AP1S2: variants seen among roughly 807,000 people sequenced by gnomAD.
The protein encoded by AP1S2 is adaptor related protein complex 1 subunit sigma 2.
In AP1S2, 1 loss-of-function variant was observed where a neutral mutation model predicts 14.3. The observed-to-expected ratio is 0.07, with a 90% CI of 0.02 to 0.33. The LOEUF (loss-of-function observed/expected upper bound fraction) is 0.33. Ranked by LOEUF, AP1S2 falls within the 10% of genes least tolerant of loss-of-function variation. The pLI is 0.99. For missense variants in AP1S2, 30 were observed against 117.7 expected, an observed-to-expected ratio of 0.25 and a Z score of 3.45; for synonymous variants, 30 against 40.5, an observed-to-expected ratio of 0.74 and a Z score of 0.99.
chrX:15,852,652 T>C (rs1460933556), intron 1 of AP1S2, 128 bp from the exon 2 acceptor site: 1 of 693,673 alleles, frequency 1.4e-6, no homozygotes, highest in East Asian at 3.3e-5. Flanking sequence ...GCCATCAATA[T>C]TTCTATGCCA....
In AP1S2 at chrX:15,826,240, C is replaced by T. The variant is rs1209161271; in HGVS notation, c.*1085G>A. ...TATGTATAAGTACTTAGAAAAGTGA[C>T]GCTGAACAATTACATAGCTTTAAAA... On this transcript the variant is annotated 3_prime_UTR_variant, in exon 6 of 6. Transcript: ENST00000672987. 2.7e-5 allele frequency: 3 copies of T among 112,255 alleles called. No individual in the cohort carries two copies. Among genetic ancestry groups the T allele is most frequent in the East Asian group, 2.8e-4 (1 of 3,614 alleles). 9.3% of individuals were successfully genotyped at this position (112,255 alleles called of 1,213,427 possible).
At chrX:15,842,975 G>A (rs1388555316) in intron 4 of AP1S2, among the ~76,000 whole-genome samples, 2 of 99,229 alleles carry the variant, frequency 2.0e-5, no homozygotes, top group East Asian at 3.1e-4. Context: ...GCAGAGAGCC[G>A]AAATTGCACC....
At chrX:15,833,049 T>C in intron 4 of AP1S2, 1 of 1,086,886 alleles carries the variant, frequency 9.2e-7, no homozygotes, top group South Asian at 2.7e-5. Context: ...TCAAATAACC[T>C]TTTGCCTAAA....
At chrX:15,834,598 C>T (rs1933567296) in intron 4 of AP1S2, among the ~76,000 whole-genome samples, 1 of 96,274 alleles carries the variant, frequency 1.0e-5, no homozygotes, top group Non-Finnish European at 2.1e-5. Context: ...GCCTCAGCTT[C>T]CTGAGTAGCT....
At chrX:15,834,651 T>G (rs1432134106) in intron 4 of AP1S2, among the ~76,000 whole-genome samples, 3 of 81,498 alleles carry the variant, frequency 3.7e-5, no homozygotes, top group African/African-American at 1.6e-4. Context: ...AATTTTTGTA[T>G]TTTTTTTTTT....
chrX:15,853,009 G>C, intron 1 of AP1S2: 1 of 203,990 alleles, frequency 4.9e-6, no homozygotes, highest in Non-Finnish European at 7.3e-6. Context: ...TTATGTCTTG[G>C]AATGTTCTCC....
intron 4 of AP1S2, among the ~76,000 whole-genome samples, chrX:15,839,472 C>G (rs947389073): frequency 2.0e-5 from 2 of 102,062 alleles, no homozygotes; most frequent in Admixed American, 1.1e-4. Flanking sequence ...TTCCCTCCCT[C>G]CCTCCCTCCT....
chrX:15,842,050 G>A (rs1017788022), intron 4 of AP1S2, among the ~76,000 whole-genome samples: 2 of 111,510 alleles, frequency 1.8e-5, no homozygotes, highest in Non-Finnish European at 3.8e-5. Flanking sequence ...TTGAGGATTA[G>A]CACAGGATGC....
At chrX:15,848,955 T>C (rs915139912) in intron 2 of AP1S2, among the ~76,000 whole-genome samples, 7 of 112,210 alleles carry the variant, frequency 6.2e-5, no homozygotes, top group African/African-American at 9.7e-5. Context: ...ATTATCAAGC[T>C]AGTAATTTGG....
chrX:15,837,164 G>T (rs1933667824), intron 4 of AP1S2, among the ~76,000 whole-genome samples: 1 of 111,699 alleles, frequency 9.0e-6, no homozygotes, highest in Non-Finnish European at 1.9e-5. Flanking sequence ...TTTTTCAAAG[G>T]TAAAAGATTT....
intron 4 of AP1S2, among the ~76,000 whole-genome samples, chrX:15,838,513 G>A (rs937339098): frequency 1.3e-4 from 14 of 108,127 alleles, no homozygotes; most frequent in African/African-American, 3.4e-4. Flanking sequence ...AATCACCACC[G>A]ACACCACAGA....
In AP1S2 at chrX:15,826,876, T is replaced by C. The variant is rs866203730; in HGVS notation, c.*449A>G. The C allele has an allele frequency of 9.2e-6, 1 of 108,310 alleles. No homozygotes were observed. The highest frequency in any genetic ancestry group is 1.9e-5 in the Non-Finnish European group (1 of 53,068). 8.9% of individuals were successfully genotyped at this position (108,310 alleles called of 1,213,427 possible). ...GTTTCCATTCATTTGATATGTGACATGTCAATTCCCTTTTTTTTTTTTTTT... is the reference window on the plus strand; with the variant it reads ...GTTTCCATTCATTTGATATGTGACACGTCAATTCCCTTTTTTTTTTTTTTT... On this transcript the variant is annotated 3_prime_UTR_variant, in exon 6 of 6. Transcript: ENST00000672987.
chrX:15,849,637 T>A (rs1045871760), intron 2 of AP1S2, among the ~76,000 whole-genome samples: 1 of 111,991 alleles, frequency 8.9e-6, no homozygotes, highest in Non-Finnish European at 1.9e-5. Flanking sequence ...AAAGAAAAAG[T>A]AGTGGCTCAA....
rs945986727 is a variant in AP1S2, at chrX:15,840,681, T to G, written c.426+4698A>C. On this transcript the variant is annotated intron_variant, in intron 4 of 5. Coordinates refer to ENST00000672987, the MANE Select transcript of AP1S2 (RefSeq NM_001272071.2). ...ATTATTTCCTTTGTCATTATATATG[T>G]GTGTGTTTAAATAAATCCAACTACA... 3 of 488,861 alleles carry G rather than the reference T, an allele frequency of 6.1e-6. No individual in the cohort carries two copies. In the African/African-American group the frequency reaches 7.5e-5, roughly 12 times the overall value. 40.3% of individuals were successfully genotyped at this position (488,861 alleles called of 1,213,427 possible).
At position 15,849,139 on chromosome X, in the gene AP1S2, CGT is replaced by C. The variant is rs747872072; in HGVS notation, c.180-3130_180-3129del. 3.6e-5 allele frequency among the ~76,000 whole-genome samples: 4 copies of C among 112,017 alleles called. No individual in the cohort carries two copies. In the South Asian group the frequency reaches 1.5e-3, roughly 42 times the overall value. ...TGTTTAAAGTCATAAAACTAGCTAACGTTACAAAGGGAACAGAACTTAAGTCC... is the reference window on the plus strand; with the variant it reads ...TGTTTAAAGTCATAAAACTAGCTAACTACAAAGGGAACAGAACTTAAGTCC... On this transcript the variant is annotated intron_variant, in intron 2 of 5. Coordinates refer to ENST00000672987, the MANE Select transcript of AP1S2 (RefSeq NM_001272071.2).
chrX:15,826,909 C>A lies in AP1S2; in HGVS notation c.*416G>T, dbSNP rs1933284388. On this transcript the variant is annotated 3_prime_UTR_variant, in exon 6 of 6. Transcript: ENST00000672987. ...CCCTTTTTTTTTTTTTTTACATATG[C>A]TGAAATGCTGCACTAGTCTTTGGTT... is the stretch of plus-strand genomic sequence containing the variant. 2 of 98,824 alleles carry A rather than the reference C, an allele frequency of 2.0e-5. No individual in the cohort carries two copies. The highest frequency in any genetic ancestry group is 2.0e-5 in the Non-Finnish European group (1 of 50,704). The allele number at this position is 98,824 out of a possible 1,213,427, so 8.1% of individuals were successfully genotyped here. A position where few individuals can be genotyped will look rare whatever the true frequency, so the allele number is the denominator to read the frequency against.
rs971154733 is a variant in AP1S2, at chrX:15,831,126, C to T, written c.427-2926G>A. ...GACCAAACTACACTATATATTATGG[C>T]ACTGCTTATTTTGACCTAGCACTTC... On this transcript the variant is annotated intron_variant, in intron 4 of 5. Transcript: ENST00000672987. The T allele has an allele frequency of 2.0e-5, 15 of 735,724 alleles. No homozygotes were observed. In the African/African-American group the frequency reaches 2.6e-4, roughly 13 times the overall value. 60.6% of individuals were successfully genotyped at this position (735,724 alleles called of 1,213,427 possible).
intron 5 of AP1S2, 32 bp downstream of exon 5, chrX:15,828,160 T>C (rs1203863125): frequency 9.4e-7 from 1 of 1,064,408 alleles, no homozygotes; most frequent in Admixed American, 2.8e-5. Flanking sequence ...TGGAAAATAA[T>C]ATAAATTTTT....
Position 15,849,087 on chromosome X carries a change from A to C in AP1S2, c.180-3076T>G, listed in dbSNP as rs895065763. Among the ~76,000 whole-genome samples the C allele has an allele frequency of 1.4e-4, 16 of 112,135 alleles. No individual in the cohort carries two copies. In the Admixed American group the frequency reaches 1.5e-3, roughly 11 times the overall value. On this transcript the variant is annotated intron_variant, in intron 2 of 5. Coordinates refer to ENST00000672987, the MANE Select transcript of AP1S2 (RefSeq NM_001272071.2). The stretch of plus-strand genomic sequence containing the variant: ...CTGTCTTGAAGGGATCTTCAAGAGC[A>C]TTTAGAGATAAGGAAACAAAGTGAC...
Sources: allele counts gnomAD v4.1 joint callset (sites outside exome capture counted in the v4.1 genomes callset), GRCh38; gene constraint gnomAD v4.1.1; transcripts MANE v1.5; gene names NCBI Gene and HGNC (gene_info 2026-07-23, HGNC 2026-07-21).